Variants in MYO3B observed in about 807,000 individuals in gnomAD.
The protein encoded by MYO3B is myosin IIIB.
MYO3B carries 156 observed loss-of-function variants against 174.6 expected under a neutral mutation model. The observed-to-expected ratio is 0.89, with a 90% confidence interval of 0.78 to 1.02. MYO3B has a LOEUF of 1.02. MYO3B is among the 50% of genes least tolerant of loss of function. The pLI, the probability that MYO3B is intolerant of heterozygous loss-of-function variation, is 0.00. For missense variants in MYO3B, 1,632 were observed against 1,639.4 expected, an observed-to-expected ratio of 1.00 and a Z score of 0.08; for synonymous variants, 563 against 569.1, an observed-to-expected ratio of 0.99 and a Z score of 0.15.
chr2:170,277,697 T>G (rs2093473192), intron 7 of MYO3B, among the ~76,000 whole-genome samples: 1 of 150,964 alleles, frequency 6.6e-6, no homozygotes, highest in East Asian at 1.9e-4. Context: ...ATAAAAGTAA[T>G]ATATGCCGAC....
intron 7 of MYO3B, among the ~76,000 whole-genome samples, chr2:170,296,470 CA>C (rs2093629587): frequency 6.6e-6 from 1 of 152,148 alleles, no homozygotes; most frequent in Non-Finnish European, 1.5e-5. Flanking sequence ...GTCTCCATGT[CA>C]ATTCAGTCAA....
At chr2:170,353,637 A>G (rs892662999) in intron 8 of MYO3B, among the ~76,000 whole-genome samples, 6 of 152,076 alleles carry the variant, frequency 3.9e-5, no homozygotes, top group Non-Finnish European at 8.8e-5. Flanking sequence ...TTGACAGTGG[A>G]GAGGCTGTGC....
At chr2:170,519,972 CAA>C (rs11315187) in intron 30 of MYO3B, 38,103 of 91,780 alleles carry the variant, frequency 0.42, 5,784 homozygotes, top group East Asian at 0.54. Flanking sequence ...GACTCTGTCT[CAA>C]AAAAAAAAAA....
chr2:170,372,139 A>C (rs868848876), intron 9 of MYO3B, among the ~76,000 whole-genome samples: 2 of 148,788 alleles, frequency 1.3e-5, no homozygotes, highest in Non-Finnish European at 1.5e-5. Context: ...AAAAAAAAAA[A>C]AAAAAACAAC....
At chr2:170,249,738 G>A (rs1204585825) in intron 7 of MYO3B, among the ~76,000 whole-genome samples, 3 of 152,200 alleles carry the variant, frequency 2.0e-5, no homozygotes, top group East Asian at 3.8e-4. Context: ...GGCTGAGGAA[G>A]CTCCACTTGT....
intron 9 of MYO3B, 116 bp from the exon 10 acceptor site, chr2:170,381,898 GTC>G: frequency 2.6e-6 from 2 of 775,800 alleles, no homozygotes; most frequent in Non-Finnish European, 4.3e-6. Flanking sequence ...TCCTGTCCCT[GTC>G]TCTGAAGTCT....
chr2:170,518,708 A>G (rs1380858805), intron 29 of MYO3B, among the ~76,000 whole-genome samples: 1 of 152,198 alleles, frequency 6.6e-6, no homozygotes, highest in Non-Finnish European at 1.5e-5. Flanking sequence ...CCCTACCTGC[A>G]GAGTCTCTGA....
chr2:170,307,636 C>A (rs940379842), intron 7 of MYO3B, among the ~76,000 whole-genome samples: 2 of 151,712 alleles, frequency 1.3e-5, no homozygotes, highest in Non-Finnish European at 2.9e-5. Context: ...CTTTATTTTG[C>A]CCAGGAAGAA....
chr2:170,429,253 A>G (rs1370134167), intron 22 of MYO3B, among the ~76,000 whole-genome samples: 2 of 152,218 alleles, frequency 1.3e-5, no homozygotes, highest in East Asian at 1.9e-4. Flanking sequence ...ACTTCTCTGT[A>G]TGAAACTACC....
chr2:170,383,209 C>A lies in MYO3B; in HGVS notation c.1185+20C>A. The A allele has an allele frequency of 7.2e-7, 1 of 1,382,586 alleles. No homozygotes were observed. Among genetic ancestry groups the A allele is most frequent in the South Asian group, 1.2e-5 (1 of 84,332 alleles). 85.6% of individuals were successfully genotyped at this position (1,382,586 alleles called of 1,614,324 possible). A position where few individuals can be genotyped will look rare whatever the true frequency, so the allele number is the denominator to read the frequency against. ...CCACAGGTAAGGGATGTTTTAAGAG[C>A]ATACTGCTCCTTAATAGGAAATTAA... On this transcript the variant is annotated intron_variant, in intron 11 of 34. Coordinates refer to ENST00000408978, the MANE Select transcript of MYO3B (RefSeq NM_138995.5).
In MYO3B at chr2:170,546,808, T is replaced by C. The variant is rs72625215; in HGVS notation, c.3733+2820T>C. Among the ~76,000 whole-genome samples, 4,321 of 152,240 alleles carry C rather than the reference T, an allele frequency of 0.028. 533 individuals are homozygous for C. In the East Asian group the frequency reaches 0.44, roughly 15 times the overall value. On this transcript the variant is annotated intron_variant, in intron 32 of 34. Coordinates refer to ENST00000408978, the MANE Select transcript of MYO3B (RefSeq NM_138995.5). ...TTTTGTGGAAGGCTGAATGAGAACA[T>C]TGTGACCTTTTCAGTTTAAAAAAAC... is the stretch of plus-strand genomic sequence containing the variant.
intron 7 of MYO3B, among the ~76,000 whole-genome samples, chr2:170,321,838 G>A (rs967897437): frequency 4.6e-5 from 7 of 152,110 alleles, no homozygotes; most frequent in African/African-American, 9.7e-5. Flanking sequence ...AGAGTAGGCC[G>A]GGTGCAGTGG....
chr2:170,510,765 T>C lies in MYO3B; in HGVS notation c.3371-4156T>C, dbSNP rs1487952770. The stretch of plus-strand genomic sequence containing the variant: ...GCCCCTGATAACCACTAATGGGTTT[T>C]CTGTCCTATAGTCTTACCTCTTCCA... On this transcript the variant is annotated intron_variant, in intron 28 of 34. Coordinates refer to ENST00000408978, the MANE Select transcript of MYO3B (RefSeq NM_138995.5). Among the ~76,000 whole-genome samples the C allele has an allele frequency of 3.3e-5, 5 of 152,060 alleles. 1 individual carries two copies. Among genetic ancestry groups the C allele is most frequent in the Admixed American group, 2.0e-4 (3 of 15,266 alleles).
chr2:170,329,331 A>G (rs1490280177), intron 7 of MYO3B, among the ~76,000 whole-genome samples: 1 of 151,806 alleles, frequency 6.6e-6, no homozygotes, highest in Non-Finnish European at 1.5e-5. Flanking sequence ...TATAACCCAT[A>G]CTGATAATGG....
At chr2:170,611,072 T>C (rs1035432968) in intron 32 of MYO3B, among the ~76,000 whole-genome samples, 2 of 152,164 alleles carry the variant, frequency 1.3e-5, no homozygotes, top group African/African-American at 4.8e-5. Flanking sequence ...TTAACCTCCA[T>C]GTAGGATTCA....
At chr2:170,405,089 C>A (rs969505201) in intron 20 of MYO3B, among the ~76,000 whole-genome samples, 1 of 152,142 alleles carries the variant, frequency 6.6e-6, no homozygotes, top group East Asian at 1.9e-4. Flanking sequence ...TAGCAAAGAT[C>A]GTGTGTTAAA....
intron 7 of MYO3B, among the ~76,000 whole-genome samples, chr2:170,290,873 A>C (rs545328370): frequency 0.026 from 1,651 of 64,434 alleles, 33 homozygotes; most frequent in African/African-American, 0.1. Flanking sequence ...TGAGGCTTAC[A>C]AAAAAAAAAA....
intron 32 of MYO3B, among the ~76,000 whole-genome samples, chr2:170,589,208 C>T (rs549954475): frequency 6.6e-6 from 1 of 152,192 alleles, no homozygotes; most frequent in South Asian, 2.1e-4. Context: ...TCATGGACCC[C>T]AACACTGAAA....
At chr2:170,615,790 C>A (rs1324161055) in intron 32 of MYO3B, among the ~76,000 whole-genome samples, 1 of 152,152 alleles carries the variant, frequency 6.6e-6, no homozygotes, top group Non-Finnish European at 1.5e-5. Context: ...TCACTGCCTT[C>A]CGGTCCCATG....
Sources: gnomAD v4.1 joint callset for allele counts (sites outside exome capture counted in the v4.1 genomes callset) on GRCh38, gnomAD v4.1.1 for gene constraint, MANE v1.5 for transcripts, NCBI Gene and HGNC (gene_info 2026-07-23, HGNC 2026-07-21) for gene names.